MIB1: variants seen among roughly 807,000 people sequenced by gnomAD.
MIB1 encodes MIB E3 ubiquitin protein ligase 1, also known as E3 ubiquitin-protein ligase MIB1.
A neutral mutation model predicts 124.5 loss-of-function variants in MIB1; 278 were observed. The ratio of observed to expected loss-of-function variants is 2.23; its 90% CI spans 2.02 to 2.47. The LOEUF (loss-of-function observed/expected upper bound fraction) is 2.47, where lower values mean the gene tolerates loss of function less well. Among genes scored for constraint, MIB1 ranks in the 30% most tolerant of loss-of-function variants. MIB1 has a pLI of 0.00. For synonymous variants in MIB1, 446 were observed against 429.4 expected (o/e 1.04, Z -0.48); for missense variants, 957 against 1,254.4 (o/e 0.76, Z 3.58).
At chr18:21,787,519 C>A (rs1199807382) in intron 6 of MIB1, among the ~76,000 whole-genome samples, 4 of 152,104 alleles carry the variant, frequency 2.6e-5, no homozygotes, top group Non-Finnish European at 5.9e-5. Context: ...CAAGGGAACC[C>A]AAGTTGGTAG....
intron 7 of MIB1, among the ~76,000 whole-genome samples, chr18:21,792,403 CCTT>C (rs2041516273): frequency 6.6e-6 from 1 of 152,094 alleles, no homozygotes; most frequent in South Asian, 2.1e-4. Context: ...GCCAGCACCT[CCTT>C]CTCTTCCCAT....
At chr18:21,850,717 A>G (rs1236186348) in intron 17 of MIB1, among the ~76,000 whole-genome samples, 1 of 152,200 alleles carries the variant, frequency 6.6e-6, no homozygotes, top group Non-Finnish European at 1.5e-5. Context: ...CTGTGTTGGC[A>G]TTTCATTTGT....
chr18:21,839,035 C>T (rs1188187801), intron 13 of MIB1, among the ~76,000 whole-genome samples: 1 of 152,018 alleles, frequency 6.6e-6, no homozygotes, highest in Non-Finnish European at 1.5e-5. Flanking sequence ...TTGGGAGGAG[C>T]CTATTTTGTA....
At chr18:21,794,626 C>T (rs1016396912) in intron 7 of MIB1, among the ~76,000 whole-genome samples, 1 of 151,988 alleles carries the variant, frequency 6.6e-6, no homozygotes, top group Non-Finnish European at 1.5e-5. Flanking sequence ...GGAAAACTGA[C>T]CCAGAACAGC....
At chr18:21,797,529 C>T (rs1157611929) in intron 7 of MIB1, among the ~76,000 whole-genome samples, 7 of 151,146 alleles carry the variant, frequency 4.6e-5, no homozygotes. Context: ...GAATTTTCAA[C>T]GAAGAAGAGT....
chr18:21,774,538 A>G (rs548545844), intron 4 of MIB1, among the ~76,000 whole-genome samples: 50 of 152,328 alleles, frequency 3.3e-4, no homozygotes, highest in Middle Eastern at 3.4e-3. Context: ...AGAGCTTTCA[A>G]TGAGCCGAGA....
chr18:21,771,086 A>G lies in MIB1; in HGVS notation c.531+2334A>G, dbSNP rs189888519. Among the ~76,000 whole-genome samples the G allele has an allele frequency of 2.6e-5, 4 of 152,306 alleles. No homozygotes were observed. In the East Asian group the frequency reaches 7.7e-4, roughly 29 times the overall value. On this transcript the variant is annotated intron_variant, in intron 3 of 20. Coordinates refer to ENST00000261537, the MANE Select transcript of MIB1 (RefSeq NM_020774.4). ...TTATTCTGCTATTAGTGATGTTAAGATTGATGAACAGGTGCAAATTTTGTC... is the reference window on the plus strand; with the variant it reads ...TTATTCTGCTATTAGTGATGTTAAGGTTGATGAACAGGTGCAAATTTTGTC...
chr18:21,760,228 A>G (rs1264659861), intron 1 of MIB1, among the ~76,000 whole-genome samples: 1 of 152,238 alleles, frequency 6.6e-6, no homozygotes, highest in African/African-American at 2.4e-5. Context: ...TGCCAGGGCT[A>G]ATGGTTTTAG....
chr18:21,821,828 CCTGACCT>C (rs2041881877), intron 12 of MIB1, among the ~76,000 whole-genome samples: 1 of 152,102 alleles, frequency 6.6e-6, no homozygotes, highest in Admixed American at 6.5e-5. Flanking sequence ...GTCTCGATCT[CCTGACCT>C]CGTGATCCGC....
intron 17 of MIB1, 57 bp from the exon 18 acceptor site, chr18:21,853,083 A>G: frequency 8.7e-7 from 1 of 1,147,840 alleles, no homozygotes; most frequent in South Asian, 1.2e-5. Context: ...TGAACTTGTT[A>G]AGAGTTACTA....
rs367940576 is a variant in MIB1, at chr18:21,756,929, A to G, written c.230-8843A>G. On this transcript the variant is annotated intron_variant, in intron 1 of 20. Coordinates refer to ENST00000261537, the MANE Select transcript of MIB1 (RefSeq NM_020774.4). The stretch of plus-strand genomic sequence containing the variant: ...TGTGTGTGGCATTATGCATACTTGT[A>G]ATAGACTGGCAGAGGCTTCCAAAAT... Among the ~76,000 whole-genome samples the G allele has an allele frequency of 1.3e-4, 20 of 152,326 alleles. No homozygotes were observed. The East Asian group carries it at 2.3e-3, about 18-fold the overall frequency.
At chr18:21,716,072 T>C (rs912800138) in intron 1 of MIB1, among the ~76,000 whole-genome samples, 2 of 152,150 alleles carry the variant, frequency 1.3e-5, no homozygotes, top group Non-Finnish European at 2.9e-5. Flanking sequence ...TCAGGTTACC[T>C]AAAGTTAAGA....
At chr18:21,751,377 C>T (rs2040973411) in intron 1 of MIB1, among the ~76,000 whole-genome samples, 1 of 152,078 alleles carries the variant, frequency 6.6e-6, no homozygotes, top group Admixed American at 6.6e-5. Context: ...TCTCCTGCCT[C>T]AACCCTGCAA....
upstream of MIB1, among the ~76,000 whole-genome samples, chr18:21,739,002 G>GT (rs1383783238): frequency 1.3e-5 from 2 of 151,732 alleles, no homozygotes; most frequent in African/African-American, 2.4e-5. Context: ...TCCAGGAGCT[G>GT]TTTTTTTGAA....
At chr18:21,801,000 T>C (rs1028739854) in intron 9 of MIB1, among the ~76,000 whole-genome samples, 6 of 152,102 alleles carry the variant, frequency 3.9e-5, no homozygotes, top group Non-Finnish European at 7.4e-5. Flanking sequence ...TAAATTATTT[T>C]AAAATTATTT....
At position 21,819,642 on chromosome 18, in the gene MIB1, C is replaced by G; in HGVS notation, c.1825C>G (p.Pro609Ala). 2 of 1,534,132 alleles carry G rather than the reference C, an allele frequency of 1.3e-6. No homozygotes were observed. Among genetic ancestry groups the G allele is most frequent in the Non-Finnish European group, 1.8e-6 (2 of 1,138,064 alleles). ...ALHHAALRGN[P>A]SAMRVLLSKL... The stretch of plus-strand genomic sequence containing the variant: ...GCATCATGCTGCACTAAGGGGAAAT[C>G]CCAGGTATGTCACCCCTTACTATTT... The change falls in exon 12 of 21, where the codon CCC (proline) becomes GCC (alanine). Residue 609 changes from proline (P) to alanine (A), a missense_variant. Pro to Ala is a conservative substitution (Grantham distance 27, BLOSUM62 -1). Coordinates refer to ENST00000261537, the MANE Select transcript of MIB1 (RefSeq NM_020774.4).
At chr18:21,788,665 A>C (rs541912624) in intron 6 of MIB1, among the ~76,000 whole-genome samples, 5 of 152,238 alleles carry the variant, frequency 3.3e-5, no homozygotes, top group Non-Finnish European at 7.3e-5. Flanking sequence ...AAAGAAAAAG[A>C]AGATGTGAAA....
chr18:21,774,985 G>A (rs1055390432), intron 4 of MIB1, among the ~76,000 whole-genome samples: 13 of 148,236 alleles, frequency 8.8e-5, no homozygotes, highest in African/African-American at 1.3e-4. Flanking sequence ...TCGCTGTGTC[G>A]CCCAGGCTGG....
intron 11 of MIB1, among the ~76,000 whole-genome samples, chr18:21,818,233 G>T (rs568956758): frequency 6.6e-6 from 1 of 152,090 alleles, no homozygotes; most frequent in East Asian, 1.9e-4. Context: ...GATTTAGTAT[G>T]GTGAACAGCC....
Sources: allele counts gnomAD v4.1 joint callset (sites outside exome capture counted in the v4.1 genomes callset), GRCh38; gene constraint gnomAD v4.1.1; transcripts MANE v1.5; gene names NCBI Gene and HGNC (gene_info 2026-07-23, HGNC 2026-07-21).